SH2D3C: variants seen among roughly 807,000 people sequenced by gnomAD.
SH2D3C encodes the protein SH2 domain-containing protein 3C.
Under a neutral mutation model 75.2 loss-of-function variants are expected in SH2D3C, and 25 were observed. That is an observed-to-expected ratio of 0.33 (90% CI 0.24 to 0.46). SH2D3C has a LOEUF of 0.46. SH2D3C is among the 20% of genes least tolerant of loss of function. The probability of loss-of-function intolerance (pLI) is 1.00; values close to 1 mark genes in which losing one functional copy is unlikely to be tolerated. For synonymous variants in SH2D3C, 450 were observed against 473.7 expected (o/e 0.95, Z 0.65); for missense variants, 933 against 1,165.3 (o/e 0.80, Z 2.90).
intron 2 of SH2D3C, chr9:127,767,140 G>A (rs1227545646): frequency 4.6e-6 from 7 of 1,535,530 alleles, no homozygotes; most frequent in African/African-American, 1.4e-5. Flanking sequence ...GTTTTCCTGA[G>A]TGGGCTGCAG....
At chr9:127,770,090 C>T (rs564593658) in intron 2 of SH2D3C, among the ~76,000 whole-genome samples, 34 of 152,212 alleles carry the variant, frequency 2.2e-4, no homozygotes, top group South Asian at 2.1e-3. Context: ...CTCTCTGGGA[C>T]CTGCAGAAGA....
chr9:127,762,944 C>A (rs1845564385), intron 2 of SH2D3C, among the ~76,000 whole-genome samples: 1 of 152,244 alleles, frequency 6.6e-6, no homozygotes, highest in Non-Finnish European at 1.5e-5. Flanking sequence ...ATTGGCTCAT[C>A]TGTTCTCCAA....
At position 127,744,586 on chromosome 9, in the gene SH2D3C, T is replaced by C. The variant is rs750716746; in HGVS notation, c.1778A>G (p.His593Arg). 6.2e-7 allele frequency: 1 copy of C among 1,610,604 alleles called. No homozygotes were observed. Among genetic ancestry groups the C allele is most frequent in the Non-Finnish European group, 8.5e-7 (1 of 1,177,240 alleles). ...AEVDARTLAR[H>R]VTKVDCLVAR... ...TACCAGGCAGTCCACCTTGGTGACA[T>C]GCCGGGCCAGCGTCCGGGCATCCAC... The change falls in exon 7 of 12, where the codon CAT (histidine) becomes CGT (arginine). Residue 593 changes from histidine (H) to arginine (R), a missense_variant. Physicochemically the swap from His to Arg is conservative, Grantham distance 29. Transcript: ENST00000314830.
chr9:127,749,722 G>A lies in SH2D3C; in HGVS notation c.685-57C>T, dbSNP rs899722411. ...TGGGGCCAGGAGAGGGTCAGACCCAGGATCTGGGGGACAGAGCAACCCAGG... is the reference window on the plus strand; with the variant it reads ...TGGGGCCAGGAGAGGGTCAGACCCAAGATCTGGGGGACAGAGCAACCCAGG... On this transcript the variant is annotated intron_variant, in intron 4 of 11. Transcript: ENST00000314830. The surrounding 1 kb of genome is among the most constrained non-coding windows in gnomAD (Gnocchi z 5.9). 5 of 1,160,770 alleles carry A rather than the reference G, an allele frequency of 4.3e-6. No individual in the cohort carries two copies. Among genetic ancestry groups the A allele is most frequent in the Admixed American group, 2.0e-5 (1 of 50,050 alleles). The allele number at this position is 1,160,770 out of a possible 1,614,324, so 71.9% of individuals were successfully genotyped here. A position where few individuals can be genotyped will look rare whatever the true frequency, so the allele number is the denominator to read the frequency against.
In SH2D3C at chr9:127,742,974, C is replaced by T. The variant is rs376987652; in HGVS notation, c.1801-10G>A. 1.2e-6 allele frequency: 2 copies of T among 1,601,258 alleles called. No individual in the cohort carries two copies. The highest frequency in any genetic ancestry group is 1.1e-5 in the South Asian group (1 of 90,688). ...CCAGTATCCTAGCAACCTGCAAAGA[C>T]GCCCAGAGGGCTGATTAATATCCTG... On this transcript the variant is annotated splice_polypyrimidine_tract_variant and intron_variant, in intron 7 of 11. Coordinates refer to ENST00000314830, the MANE Select transcript of SH2D3C (RefSeq NM_170600.3).
chr9:127,738,797 G>A lies in SH2D3C; in HGVS notation c.2532C>T (p.Leu844=), dbSNP rs1844759809. The change falls in exon 12 of 12, where the codon CTC becomes CTT. Residue 844 remains leucine (L), a synonymous_variant. Transcript: ENST00000314830. This position sits in a 1 kb window ranked among gnomAD's most constrained non-coding sequence, Gnocchi z 5.0. ...ARRYEKFDKV[L]TALSHKLEPA... ...GTTCCAGCTTGTGGGACAGGGCAGT[G>A]AGGACCTTGTCGAACTTCTCATAGC... is the stretch of plus-strand genomic sequence containing the variant. The A allele has an allele frequency of 1.2e-6, 2 of 1,609,306 alleles. No homozygotes were observed. The highest frequency in any genetic ancestry group is 3.4e-5 in the Admixed American group (2 of 59,218).
chr9:127,740,413 G>GC (rs1844820495), intron 9 of SH2D3C, 44 bp from the exon 10 acceptor site: 1 of 1,458,488 alleles, frequency 6.9e-7, no homozygotes, highest in East Asian at 2.3e-5. Flanking sequence ...CAGAGGGCCT[G>GC]CAGGGGCCAC....
intron 2 of SH2D3C, chr9:127,771,229 T>C: frequency 6.5e-7 from 1 of 1,545,648 alleles, no homozygotes; most frequent in African/African-American, 1.4e-5. Context: ...ACAGCAGTCA[T>C]GCTTCCCCCG....
In SH2D3C at chr9:127,738,864, A is replaced by T; in HGVS notation, c.2465T>A (p.Leu822His). ...GCTGGCACCCTGACTGCCCCAGAGA[A>T]GGCGCATCTGGAACTCCGTGCTGAA... ...EVFSTEFQMR[L>H]LWGSQGASSS... Residue 822 changes from leucine to histidine, a missense_variant, in exon 12 of 12, where the codon CTT (leucine) becomes CAT (histidine). By Grantham distance (99) the Leu-to-His change is moderately conservative. Transcript: ENST00000314830. This position sits in a 1 kb window ranked among gnomAD's most constrained non-coding sequence, Gnocchi z 5.0. 6.2e-7 allele frequency: 1 copy of T among 1,600,034 alleles called. No homozygotes were observed. Among genetic ancestry groups the T allele is most frequent in the Non-Finnish European group, 8.5e-7 (1 of 1,173,506 alleles).
Position 127,754,977 on chromosome 9 carries a change from G to C in SH2D3C, c.556-3677C>G. ...GCCCAGCCCAGCCCGACCCTGCCGG[G>C]CGCCGCTGAGCTGCAGCTCCCCGGC... is the stretch of plus-strand genomic sequence containing the variant. On this transcript the variant is annotated intron_variant, in intron 3 of 11. Coordinates refer to ENST00000314830, the MANE Select transcript of SH2D3C (RefSeq NM_170600.3). The surrounding 1 kb of genome is among the most constrained non-coding windows in gnomAD (Gnocchi z 4.4). The C allele has an allele frequency of 1.9e-6, 1 of 523,954 alleles. No individual in the cohort carries two copies. The highest frequency in any genetic ancestry group is 2.8e-6 in the Non-Finnish European group (1 of 352,698). 32.5% of individuals were successfully genotyped at this position (523,954 alleles called of 1,614,324 possible). A position where few individuals can be genotyped will look rare whatever the true frequency, so the allele number is the denominator to read the frequency against.
chr9:127,778,527 T>C (rs1463680764), intron 1 of SH2D3C, 64 bp downstream of exon 1: 1 of 1,165,040 alleles, frequency 8.6e-7, no homozygotes, highest in Non-Finnish European at 1.3e-6. Context: ...AAGAAACAGA[T>C]GCAGAGAGAG....
At position 127,777,452 on chromosome 9, in the gene SH2D3C, T is replaced by C. The variant is rs1439620053; in HGVS notation, c.37+1139A>G. ...TAACTCCCCACCTGGGATCCCATGA[T>C]GCCCCCATCCCCCTGCCGCCCCAGT... is the stretch of plus-strand genomic sequence containing the variant. On this transcript the variant is annotated intron_variant, in intron 1 of 11. Coordinates refer to ENST00000314830, the MANE Select transcript of SH2D3C (RefSeq NM_170600.3). Among the ~76,000 whole-genome samples, 293 of 94,262 alleles carry C rather than the reference T, an allele frequency of 3.1e-3. 5 individuals are homozygous for C. Among genetic ancestry groups the C allele is most frequent in the African/African-American group, 0.011 (277 of 24,348 alleles). The allele number at this position is 94,262 out of a possible 152,430, so 61.8% of individuals were successfully genotyped here.
chr9:127,744,996 G>A lies in SH2D3C; in HGVS notation c.1368C>T (p.Ala456=), dbSNP rs747054393. The A allele has an allele frequency of 2.6e-6, 4 of 1,525,572 alleles. No individual in the cohort carries two copies. Among genetic ancestry groups the A allele is most frequent in the South Asian group, 1.3e-5 (1 of 76,458 alleles). The allele number at this position is 1,525,572 out of a possible 1,614,324, so 94.5% of individuals were successfully genotyped here. The change falls in exon 7 of 12, where the codon GCC becomes GCT. Residue 456 remains alanine, a synonymous_variant. Coordinates refer to ENST00000314830, the MANE Select transcript of SH2D3C (RefSeq NM_170600.3). ...TGTCTGACTCCCCATGGGTCTTTGG[G>A]GCACTTCCGGGACACAGCTGGGGCT... ...SSEPQLCPGS[A]PKTHGESDKG...
At chr9:127,775,325 C>T (rs1845794042) in intron 1 of SH2D3C, among the ~76,000 whole-genome samples, 1 of 152,116 alleles carries the variant, frequency 6.6e-6, no homozygotes, top group South Asian at 2.1e-4. Flanking sequence ...AAGACCCTGT[C>T]TCTACAAAAA....
rs1427957485 is a variant in SH2D3C at position 127,754,402 on chromosome 9, C to G, written c.556-3102G>C. Among the ~76,000 whole-genome samples, 2 of 152,084 alleles carry G rather than the reference C, an allele frequency of 1.3e-5. No homozygotes were observed. The highest frequency in any genetic ancestry group is 2.9e-5 in the Non-Finnish European group (2 of 67,974). On this transcript the variant is annotated intron_variant, in intron 3 of 11. Coordinates refer to ENST00000314830, the MANE Select transcript of SH2D3C (RefSeq NM_170600.3). This position sits in a 1 kb window ranked among gnomAD's most constrained non-coding sequence, Gnocchi z 4.4. ...CGCCAGCCCGAGCCCAGCATCCCCT[C>G]CAGCTCCCCTCGGCGTCCCAACCCC...
chr9:127,741,658 C>T, intron 9 of SH2D3C, 130 bp downstream of exon 9: 2 of 1,146,310 alleles, frequency 1.7e-6, no homozygotes, highest in Non-Finnish European at 2.4e-6. Context: ...CTCAGTTCTC[C>T]CGGGTAGTCT....
At chr9:127,776,145 T>A (rs1845805939) in intron 1 of SH2D3C, among the ~76,000 whole-genome samples, 1 of 152,142 alleles carries the variant, frequency 6.6e-6, no homozygotes, top group Admixed American at 6.5e-5. Flanking sequence ...AATAATAATT[T>A]AAAAATTTCT....
intron 4 of SH2D3C, among the ~76,000 whole-genome samples, chr9:127,750,250 G>C (rs1285707231): frequency 2.0e-5 from 3 of 151,912 alleles, no homozygotes; most frequent in African/African-American, 4.8e-5. Flanking sequence ...CGCCTCCTTG[G>C]TTCAAGTGAT....
chr9:127,755,195 G>A (rs1845341513), intron 3 of SH2D3C: 1 of 1,205,782 alleles, frequency 8.3e-7, no homozygotes, highest in Non-Finnish European at 1.0e-6. Flanking sequence ...GACGGTGTGG[G>A]GGGGCGGTGG....
Sources: allele counts gnomAD v4.1 joint callset (sites outside exome capture counted in the v4.1 genomes callset), GRCh38; gene constraint gnomAD v4.1.1; non-coding constraint Gnocchi (gnomAD v3.1); transcripts MANE v1.5; gene names NCBI Gene and HGNC (gene_info 2026-07-23, HGNC 2026-07-21).